The following DNMT1 variants were observed in gnomAD, a reference collection of about 807,000 sequenced individuals.
DNMT1 encodes the protein DNA (cytosine-5)-methyltransferase 1.
A neutral mutation model predicts 205.3 loss-of-function variants in DNMT1; 24 were observed. The ratio of observed to expected loss-of-function variants is 0.12; its 90% CI spans 0.08 to 0.16. The LOEUF (loss-of-function observed/expected upper bound fraction) is 0.16. DNMT1 is among the 10% of genes least tolerant of loss of function. The pLI is 1.00. For synonymous variants in DNMT1, 817 were observed against 839.8 expected, an observed-to-expected ratio of 0.97 and a Z score of 0.47; for missense variants, 1,293 against 2,177.7, an observed-to-expected ratio of 0.59 and a Z score of 8.09.
intron 2 of DNMT1, among the ~76,000 whole-genome samples, chr19:10,181,754 G>T (rs80295633): frequency 6.6e-6 from 1 of 151,864 alleles, no homozygotes; most frequent in East Asian, 1.9e-4. Flanking sequence ...GCTTGAATCC[G>T]GGAGGCAGAG....
In DNMT1 at chr19:10,138,073, G is replaced by C. The variant is rs763415829; in HGVS notation, c.4116-64C>G. ...CGCAGCAGCTGTCCCCTCATCACAG[G>C]TGCCACCCCCTGCCTGCTCAGATGG... On this transcript the variant is annotated intron_variant, in intron 35 of 40. Coordinates refer to ENST00000359526, the MANE Select transcript of DNMT1 (RefSeq NM_001130823.3). This position sits in a 1 kb window ranked among gnomAD's most constrained non-coding sequence, Gnocchi z 4.1. 3 of 1,539,388 alleles carry C rather than the reference G, an allele frequency of 1.9e-6. No homozygotes were observed. The highest frequency in any genetic ancestry group is 2.6e-6 in the Non-Finnish European group (3 of 1,134,494).
intron 1 of DNMT1, among the ~76,000 whole-genome samples, chr19:10,182,608 A>G (rs2039091602): frequency 6.6e-6 from 1 of 151,072 alleles, no homozygotes. Context: ...GTATATATGT[A>G]TGTATATATG....
rs1221231034 is a variant in DNMT1, at chr19:10,155,098, G to A, written c.1493-42C>T. The stretch of plus-strand genomic sequence containing the variant: ...AGGTGTGGAAAAGGGGCTGGAATCT[G>A]ATGGCGCCTACAGTGGCCACAGGGC... On this transcript the variant is annotated intron_variant, in intron 19 of 40. Transcript: ENST00000359526. The A allele has an allele frequency of 8.1e-6, 13 of 1,612,496 alleles. No individual in the cohort carries two copies. In the African/African-American group the frequency reaches 1.6e-4, roughly 20 times the overall value.
At chr19:10,163,128 AT>A in intron 12 of DNMT1, 197 bp downstream of exon 12, 2 of 660,404 alleles carry the variant, frequency 3.0e-6, no homozygotes, top group Non-Finnish European at 5.3e-6. Context: ...CACCCAGCTA[AT>A]TTTTGTATTT....
chr19:10,154,130 G>T lies in DNMT1; in HGVS notation c.2019+163C>A, dbSNP rs1364418977. Reference sequence around the variant, plus strand: ...GACATCTGTCCTATTGACGTTCAATGAAGTATGCAGGGTCCTCCCAGACCA... The same window carrying T: ...GACATCTGTCCTATTGACGTTCAATTAAGTATGCAGGGTCCTCCCAGACCA... On this transcript the variant is annotated intron_variant, in intron 22 of 40. Transcript: ENST00000359526. This position sits in a 1 kb window ranked among gnomAD's most constrained non-coding sequence, Gnocchi z 6.3. 6.6e-6 allele frequency among the ~76,000 whole-genome samples: 1 copy of T among 152,176 alleles called. No homozygotes were observed. Among genetic ancestry groups the T allele is most frequent in the Admixed American group, 6.5e-5 (1 of 15,268 alleles).
At chr19:10,174,974 G>C (rs2145363922) in intron 7 of DNMT1, among the ~76,000 whole-genome samples, 1 of 150,976 alleles carries the variant, frequency 6.6e-6, no homozygotes, top group East Asian at 1.9e-4. Flanking sequence ...AGAATCACTT[G>C]AACCCGGGAG....
rs561209748 is a variant in DNMT1, at chr19:10,155,337, CT to C, written c.1493-282del. ...TTGGGTTGCAAGAATAAGACCTGCT[CT>C]TTTTTTTTTTTCAGGGGAGGACAGA... On this transcript the variant is annotated intron_variant, in intron 19 of 40. Coordinates refer to ENST00000359526, the MANE Select transcript of DNMT1 (RefSeq NM_001130823.3). Among the ~76,000 whole-genome samples, 854 of 146,090 alleles carry C rather than the reference CT, an allele frequency of 5.8e-3. 4 individuals carry two copies. Among genetic ancestry groups the C allele is most frequent in the Admixed American group, 9.3e-3 (136 of 14,594 alleles).
intron 1 of DNMT1, among the ~76,000 whole-genome samples, chr19:10,193,509 G>A (rs995112269): frequency 1.4e-5 from 2 of 145,512 alleles, no homozygotes; most frequent in Admixed American, 6.9e-5. Context: ...GACCACAGGC[G>A]CACGGCACTA....
At position 10,137,348 on chromosome 19, in the gene DNMT1, G is replaced by C; in HGVS notation, c.4294-68C>G. 1 of 1,534,414 alleles carries C rather than the reference G, an allele frequency of 6.5e-7. No individual in the cohort carries two copies. Among genetic ancestry groups the C allele is most frequent in the Non-Finnish European group, 8.8e-7 (1 of 1,138,166 alleles). Reference sequence around the variant, plus strand: ...GCATCCGAGCATCCATGGTGGGCTGGGAGCTGGGAACACCATGGTGACCAG... The same window carrying C: ...GCATCCGAGCATCCATGGTGGGCTGCGAGCTGGGAACACCATGGTGACCAG... On this transcript the variant is annotated intron_variant, in intron 36 of 40. Transcript: ENST00000359526. The surrounding 1 kb of genome is among the most constrained non-coding windows in gnomAD (Gnocchi z 6.4).
Position 10,154,967 on chromosome 19 carries a change from C to T in DNMT1, c.1582G>A (p.Val528Met), listed in dbSNP as rs2038426491. 6.2e-7 allele frequency: 1 copy of T among 1,614,100 alleles called. No homozygotes were observed. The highest frequency in any genetic ancestry group is 8.5e-7 in the Non-Finnish European group (1 of 1,180,064). ...GAATTGCTCTGCAGGAACTCCACCA[C>T]AATCTTGCTGATGTAGATCTTCTCC... ...MQEKIYISKI[V>M]VEFLQSNSDS... Residue 528 changes from valine to methionine, a missense_variant, in exon 20 of 41, where the codon GTG (valine) becomes ATG (methionine). Val to Met is a conservative substitution (Grantham distance 21). Coordinates refer to ENST00000359526, the MANE Select transcript of DNMT1 (RefSeq NM_001130823.3). The surrounding 1 kb of genome is among the most constrained non-coding windows in gnomAD (Gnocchi z 6.3).
At position 10,149,914 on chromosome 19, in the gene DNMT1, C is replaced by T. The variant is rs1407084701; in HGVS notation, c.2320G>A (p.Glu774Lys). 1.2e-6 allele frequency: 2 copies of T among 1,614,204 alleles called. No homozygotes were observed. Among genetic ancestry groups the T allele is most frequent in the African/African-American group, 1.3e-5 (1 of 75,052 alleles). ...KKVCIDAETL[E>K]VGDCVSVIPD... Reference sequence around the variant, plus strand: ...ATAACAGAGACACAGTCCCCCACTTCCAGGGTTTCCGCATCAATGCACACC... The same window carrying T: ...ATAACAGAGACACAGTCCCCCACTTTCAGGGTTTCCGCATCAATGCACACC... Residue 774 changes from glutamate to lysine, a missense_variant, in exon 25 of 41, where the codon GAA becomes AAA. By Grantham distance (56) the Glu-to-Lys change is moderately conservative. Transcript: ENST00000359526.
chr19:10,193,385 G>T (rs959139760), intron 1 of DNMT1, among the ~76,000 whole-genome samples: 1 of 151,492 alleles, frequency 6.6e-6, no homozygotes, highest in African/African-American at 2.4e-5. Context: ...TTTGAGACAG[G>T]GTCTCACTCT....
chr19:10,135,462 G>A, intron 39 of DNMT1: 1 of 499,112 alleles, frequency 2.0e-6, no homozygotes, highest in Admixed American at 3.3e-5. Flanking sequence ...TCGCCACCAT[G>A]GGTTTTAGCC....
intron 9 of DNMT1, among the ~76,000 whole-genome samples, chr19:10,171,962 G>A (rs1392432535): frequency 4.0e-5 from 6 of 150,316 alleles, no homozygotes; most frequent in Non-Finnish European, 7.4e-5. Flanking sequence ...AGCCAAGATC[G>A]CACCTCTGCA....
chr19:10,161,172 G>A (rs542973061), intron 13 of DNMT1, among the ~76,000 whole-genome samples: 7 of 152,292 alleles, frequency 4.6e-5, no homozygotes, highest in Non-Finnish European at 1.0e-4. Context: ...GGGCGCGGTG[G>A]CGCATGCCTG....
chr19:10,179,126 C>CAA (rs1000467616), intron 5 of DNMT1, among the ~76,000 whole-genome samples: 60 of 64,604 alleles, frequency 9.3e-4, no homozygotes, highest in African/African-American at 1.0e-3. Context: ...GACTCCATCT[C>CAA]AAAAAAAAAA....
intron 29 of DNMT1, chr19:10,142,689 G>C: frequency 5.4e-6 from 1 of 186,598 alleles, no homozygotes; most frequent in Non-Finnish European, 1.2e-5. Context: ...GACCTCCCCA[G>C]TTAGGGAGTC....
At chr19:10,155,815 T>C (rs2038445961) in intron 19 of DNMT1, 38 bp downstream of exon 19, 1 of 1,596,784 alleles carries the variant, frequency 6.3e-7, no homozygotes, top group Admixed American at 1.8e-5. Flanking sequence ...AAGGCCCCTT[T>C]CAGACCCCGG....
intron 7 of DNMT1, 22 bp from the exon 8 acceptor site, chr19:10,173,927 C>T (rs1392049104): frequency 1.1e-5 from 18 of 1,612,542 alleles, no homozygotes; most frequent in Admixed American, 8.4e-5. Context: ...GAAGGAAGAA[C>T]AAAAAAGATT....
Sources: allele counts gnomAD v4.1 joint callset (sites outside exome capture counted in the v4.1 genomes callset), GRCh38; gene constraint gnomAD v4.1.1; non-coding constraint Gnocchi (gnomAD v3.1); transcripts MANE v1.5; gene names NCBI Gene and HGNC (gene_info 2026-07-23, HGNC 2026-07-21).